The following RAP1GAP2 variants were observed in gnomAD, a reference collection of about 807,000 sequenced individuals.
The protein encoded by RAP1GAP2 is rap1 GTPase-activating protein 2.
In RAP1GAP2, 27 loss-of-function variants were observed where a neutral mutation model predicts 95.0. The observed-to-expected ratio is 0.28, with a 90% confidence interval of 0.21 to 0.39. The LOEUF is 0.39. Among genes scored for constraint, RAP1GAP2 ranks in the 10% least tolerant of loss-of-function variants. The probability of loss-of-function intolerance (pLI) is 1.00; values close to 1 mark genes in which losing one functional copy is unlikely to be tolerated. For synonymous variants in RAP1GAP2, 373 were observed against 380.9 expected, an observed-to-expected ratio of 0.98 and a Z score of 0.24; for missense variants, 771 against 970.0, an observed-to-expected ratio of 0.79 and a Z score of 2.72.
chr17:2,895,064 C>G (rs1477858842), intron 2 of RAP1GAP2, among the ~76,000 whole-genome samples: 1 of 152,226 alleles, frequency 6.6e-6, no homozygotes, highest in Non-Finnish European at 1.5e-5. Context: ...GTGTGTGTCA[C>G]CTGTCTCAGG....
At chr17:2,980,818 C>T (rs1336810545) in intron 9 of RAP1GAP2, among the ~76,000 whole-genome samples, 1 of 152,138 alleles carries the variant, frequency 6.6e-6, no homozygotes, top group Non-Finnish European at 1.5e-5. Context: ...AACCTGAGAA[C>T]TGAGTTAGCA....
At chr17:2,978,066 T>C (rs2045203937) in intron 8 of RAP1GAP2, among the ~76,000 whole-genome samples, 1 of 152,182 alleles carries the variant, frequency 6.6e-6, no homozygotes, top group African/African-American at 2.4e-5. Context: ...TAAGCATTTA[T>C]GCACTGTGGG....
chr17:2,944,176 A>C (rs1057399107), intron 3 of RAP1GAP2, among the ~76,000 whole-genome samples: 1 of 151,738 alleles, frequency 6.6e-6, no homozygotes, highest in Non-Finnish European at 1.5e-5. Context: ...AAAAAAAAAA[A>C]AAAAAAACCA....
intron 10 of RAP1GAP2, among the ~76,000 whole-genome samples, chr17:2,981,527 A>G (rs1184813763): frequency 1.3e-5 from 2 of 151,982 alleles, no homozygotes; most frequent in African/African-American, 2.4e-5. Context: ...ACCACACCTC[A>G]TTGGTACCTC....
intron 3 of RAP1GAP2, among the ~76,000 whole-genome samples, chr17:2,921,995 C>A (rs949891460): frequency 6.6e-6 from 1 of 151,864 alleles, no homozygotes; most frequent in Non-Finnish European, 1.5e-5. Flanking sequence ...ATCTCAAACT[C>A]CTTCATATCT....
At chr17:2,975,309 T>C (rs1308557483) in intron 8 of RAP1GAP2, among the ~76,000 whole-genome samples, 1 of 152,142 alleles carries the variant, frequency 6.6e-6, no homozygotes, top group African/African-American at 2.4e-5. Flanking sequence ...AATTAGCCTA[T>C]TACAATACCA....
Position 2,902,583 on chromosome 17 carries a change from C to G in RAP1GAP2, c.81-2701C>G, listed in dbSNP as rs960508690. On this transcript the variant is annotated intron_variant, in intron 2 of 24. Transcript: ENST00000254695. This position sits in a 1 kb window ranked among gnomAD's most constrained non-coding sequence, Gnocchi z 4.1. ...CCCACCCTGGCACCCCCTCTGGAGT[C>G]CTGGACACAGCGCTGGAGCTTGCAT... 6.6e-6 allele frequency among the ~76,000 whole-genome samples: 1 copy of G among 152,158 alleles called. No individual in the cohort carries two copies. The highest frequency in any genetic ancestry group is 2.4e-5 in the African/African-American group (1 of 41,434).
chr17:2,842,629 A>G (rs756952791), intron 2 of RAP1GAP2, among the ~76,000 whole-genome samples: 18 of 152,016 alleles, frequency 1.2e-4, no homozygotes, highest in Non-Finnish European at 1.6e-4. Flanking sequence ...AGTTGCCTAA[A>G]AGCCGTGGGT....
intron 3 of RAP1GAP2, among the ~76,000 whole-genome samples, chr17:2,927,190 G>T (rs2042984388): frequency 1.3e-5 from 2 of 150,232 alleles, no homozygotes; most frequent in Non-Finnish European, 3.0e-5. Flanking sequence ...ATCTCGCTCT[G>T]TCACCCAGGC....
intron 2 of RAP1GAP2, among the ~76,000 whole-genome samples, chr17:2,802,673 A>T (rs918651606): frequency 7.2e-5 from 11 of 152,120 alleles, no homozygotes; most frequent in Admixed American, 7.2e-4. Context: ...ATCGCACCAC[A>T]GCCTGGGAGA....
chr17:2,997,388 C>T (rs2045996279), intron 13 of RAP1GAP2, among the ~76,000 whole-genome samples: 2 of 152,220 alleles, frequency 1.3e-5, no homozygotes, highest in South Asian at 4.1e-4. Context: ...ATTTCATGCA[C>T]AGCAGCTGAC....
At chr17:2,952,439 C>T (rs542828940) in intron 3 of RAP1GAP2, among the ~76,000 whole-genome samples, 1 of 152,300 alleles carries the variant, frequency 6.6e-6, no homozygotes, top group African/African-American at 2.4e-5. Context: ...GTTCTTGTGG[C>T]ATGGCCCGGA....
At chr17:2,922,191 G>T (rs2042802735) in intron 3 of RAP1GAP2, among the ~76,000 whole-genome samples, 1 of 152,216 alleles carries the variant, frequency 6.6e-6, no homozygotes, top group South Asian at 2.1e-4. Context: ...ACACCTTCTT[G>T]CAGTGTCCTC....
At chr17:2,924,129 C>T (rs1442559357) in intron 3 of RAP1GAP2, among the ~76,000 whole-genome samples, 3 of 152,148 alleles carry the variant, frequency 2.0e-5, no homozygotes. Flanking sequence ...GTAATTTCAA[C>T]TTTATACATA....
At chr17:2,975,172 G>T (rs1267823571) in intron 8 of RAP1GAP2, among the ~76,000 whole-genome samples, 2 of 152,220 alleles carry the variant, frequency 1.3e-5, no homozygotes, top group Non-Finnish European at 2.9e-5. Flanking sequence ...AGAGGTTGCA[G>T]TGAGCTGAAA....
At chr17:2,798,181 A>G (rs2069148494) in intron 1 of RAP1GAP2, among the ~76,000 whole-genome samples, 1 of 152,128 alleles carries the variant, frequency 6.6e-6, no homozygotes, top group Non-Finnish European at 1.5e-5. Flanking sequence ...TGAAATGCAC[A>G]TTCAGATTCA....
intron 2 of RAP1GAP2, among the ~76,000 whole-genome samples, chr17:2,771,486 G>GTTTTTT (rs566884358): frequency 1.7e-4 from 21 of 123,476 alleles, no homozygotes; most frequent in African/African-American, 3.6e-4. Context: ...CCACTTTTTT[G>GTTTTTT]TTTTTTTTTT....
At chr17:2,954,999 G>A (rs1404324370) in intron 3 of RAP1GAP2, among the ~76,000 whole-genome samples, 1 of 152,182 alleles carries the variant, frequency 6.6e-6, no homozygotes, top group African/African-American at 2.4e-5. Flanking sequence ...CCATCGTATG[G>A]ATACAGCACA....
intron 4 of RAP1GAP2, among the ~76,000 whole-genome samples, chr17:2,960,594 G>A (rs1198300143): frequency 2.0e-5 from 3 of 152,324 alleles, no homozygotes; most frequent in Non-Finnish European, 4.4e-5. Context: ...CCGGTGACCC[G>A]GCTTCAAATC....
Sources: gnomAD v4.1 joint callset for allele counts (sites outside exome capture counted in the v4.1 genomes callset) on GRCh38, gnomAD v4.1.1 for gene constraint, Gnocchi (gnomAD v3.1) non-coding constraint, MANE v1.5 for transcripts, NCBI Gene and HGNC (gene_info 2026-07-23, HGNC 2026-07-21) for gene names.